The following TAOK1 variants were observed in gnomAD, a reference collection of about 807,000 sequenced individuals.
TAOK1 encodes TAO kinase 1.
TAOK1 carries 21 observed loss-of-function variants against 138.3 expected under a neutral mutation model. The ratio of observed to expected loss-of-function variants is 0.15; its 90% CI spans 0.11 to 0.22. The LOEUF is 0.22. TAOK1 is among the 10% of genes least tolerant of loss of function. TAOK1 has a pLI of 1.00. For missense variants in TAOK1, 651 were observed against 1,227.7 expected, an observed-to-expected ratio of 0.53 and a Z score of 7.02; for synonymous variants, 361 against 398.4, an observed-to-expected ratio of 0.91 and a Z score of 1.12.
chr17:29,431,223 T>C (rs1232820946), intron 1 of TAOK1, among the ~76,000 whole-genome samples: 2 of 152,190 alleles, frequency 1.3e-5, no homozygotes, highest in South Asian at 2.1e-4. Flanking sequence ...GTGAGAGTGC[T>C]TGCGCTCTGG....
At chr17:29,536,266 TC>T (rs2032219886) in intron 19 of TAOK1, among the ~76,000 whole-genome samples, 1 of 151,394 alleles carries the variant, frequency 6.6e-6, no homozygotes, top group African/African-American at 2.4e-5. Flanking sequence ...GCCACTGCAC[TC>T]CAGCCTGGGC....
chr17:29,498,221 G>C (rs761316415), intron 11 of TAOK1, 97 bp from the exon 12 acceptor site: 286 of 1,242,926 alleles, frequency 2.3e-4, no homozygotes, highest in Admixed American at 8.0e-5. Context: ...TTCTGAGACT[G>C]TCTGCCAAGT....
At chr17:29,437,236 G>A (rs1906061657) in intron 1 of TAOK1, among the ~76,000 whole-genome samples, 2 of 151,496 alleles carry the variant, frequency 1.3e-5, no homozygotes, top group South Asian at 4.2e-4. Context: ...GCTAATTTTT[G>A]TATTTTTAGT....
chr17:29,514,187 A>G (rs1353343823), intron 15 of TAOK1: 8 of 152,122 alleles, frequency 5.3e-5, no homozygotes, highest in Admixed American at 4.6e-4. Context: ...TTCTCTTCCC[A>G]TAGCGTGCAT....
In TAOK1 at chr17:29,482,087, T is replaced by C. The variant is rs1267957220; in HGVS notation, c.564-110T>C. ...TTATAAAAATTCTTATGTCCAGATA[T>C]ATTGGCTAGAATTCAAACCAGTGAT... On this transcript the variant is annotated intron_variant, in intron 7 of 19. Transcript: ENST00000261716. 4 of 728,916 alleles carry C rather than the reference T, an allele frequency of 5.5e-6. No homozygotes were observed. The South Asian group carries it at 7.6e-5, about 14-fold the overall frequency. 45.2% of individuals were successfully genotyped at this position (728,916 alleles called of 1,614,324 possible).
chr17:29,533,027 A>T (rs1242925865), intron 18 of TAOK1, among the ~76,000 whole-genome samples: 8 of 24,278 alleles, frequency 3.3e-4, no homozygotes, highest in Non-Finnish European at 5.2e-4. Flanking sequence ...GCTGACCCCC[A>T]CCTCCCTCCC....
chr17:29,406,223 T>C (rs1886414108), intron 1 of TAOK1, among the ~76,000 whole-genome samples: 1 of 152,136 alleles, frequency 6.6e-6, no homozygotes, highest in Non-Finnish European at 1.5e-5. Flanking sequence ...GATCAAAAAA[T>C]GTTTCAGGTA....
At chr17:29,489,447 G>A (rs499642) in intron 8 of TAOK1, among the ~76,000 whole-genome samples, 57,505 of 151,846 alleles carry the variant, frequency 0.38, 12,098 homozygotes, top group Non-Finnish European at 0.48. Context: ...GTAGTGAGCC[G>A]AGATTGTGCC....
chr17:29,490,879 T>C (rs576409391), intron 9 of TAOK1, among the ~76,000 whole-genome samples: 2 of 152,300 alleles, frequency 1.3e-5, no homozygotes, highest in South Asian at 4.1e-4. Flanking sequence ...TGTCCTCACA[T>C]GGCAGAGAGC....
At chr17:29,463,060 CT>C (rs958615381) in intron 2 of TAOK1, among the ~76,000 whole-genome samples, 39 of 151,866 alleles carry the variant, frequency 2.6e-4, no homozygotes, top group African/African-American at 6.0e-4. Flanking sequence ...AACATTCCAT[CT>C]TTTTTTCAAG....
chr17:29,507,933 A>C lies in TAOK1; in HGVS notation c.1376A>C (p.Glu459Ala). ...RQMQEHEQDS[E>A]LREQMSGYKR... ...ATGCAAGAACATGAGCAGGACTCTG[A>C]GCTTAGAGAACAAATGTCTGGCTAT... The change falls in exon 14 of 20, where the codon GAG becomes GCG. Residue 459 changes from glutamate (E) to alanine (A), a missense_variant. Physicochemically the swap from Glu to Ala is moderately radical, Grantham distance 107 (BLOSUM62 -1). Coordinates refer to ENST00000261716, the MANE Select transcript of TAOK1 (RefSeq NM_020791.4). The C allele has an allele frequency of 6.2e-7, 1 of 1,614,108 alleles. No individual in the cohort carries two copies.
intron 1 of TAOK1, among the ~76,000 whole-genome samples, chr17:29,429,862 A>G (rs750863619): frequency 6.6e-6 from 1 of 152,220 alleles, no homozygotes; most frequent in Non-Finnish European, 1.5e-5. Context: ...TTTGTTTAAT[A>G]TCTGTCATAC....
chr17:29,544,267 T>A lies in TAOK1; in HGVS notation c.*1245T>A, dbSNP rs1433585461. 1 of 152,682 alleles carries A rather than the reference T, an allele frequency of 6.5e-6. No homozygotes were observed. Among genetic ancestry groups the A allele is most frequent in the Non-Finnish European group, 1.5e-5 (1 of 68,040 alleles). 9.5% of individuals were successfully genotyped at this position (152,682 alleles called of 1,614,324 possible). A position where few individuals can be genotyped will look rare whatever the true frequency, so the allele number is the denominator to read the frequency against. On this transcript the variant is annotated 3_prime_UTR_variant, in exon 20 of 20. Coordinates refer to ENST00000261716, the MANE Select transcript of TAOK1 (RefSeq NM_020791.4). ...GCCAATGACTTTACCAGCTGCTGAC[T>A]AATCTTCATCACCACTGTAGATTTT...
intron 1 of TAOK1, among the ~76,000 whole-genome samples, chr17:29,407,670 C>G (rs1905031742): frequency 6.6e-6 from 1 of 151,970 alleles, no homozygotes; most frequent in Non-Finnish European, 1.5e-5. Flanking sequence ...TGGTCTCGAA[C>G]TCCTGGGCTC....
At chr17:29,471,341 G>C (rs1157114636) in intron 3 of TAOK1, among the ~76,000 whole-genome samples, 1 of 125,920 alleles carries the variant, frequency 7.9e-6, no homozygotes. Flanking sequence ...GTGCAGTGGC[G>C]CAATCTTGGT....
chr17:29,401,564 A>G (rs1314161965), intron 1 of TAOK1, among the ~76,000 whole-genome samples: 1 of 152,132 alleles, frequency 6.6e-6, no homozygotes, highest in Non-Finnish European at 1.5e-5. Flanking sequence ...TGATCCAATC[A>G]TTTCCACCAG....
At chr17:29,497,057 G>C (rs2031428758) in intron 11 of TAOK1, among the ~76,000 whole-genome samples, 1 of 152,038 alleles carries the variant, frequency 6.6e-6, no homozygotes, top group Non-Finnish European at 1.5e-5. Context: ...TGCTATAGAA[G>C]TATTACAGAA....
chr17:29,402,993 C>CA (rs1179657750), intron 1 of TAOK1, among the ~76,000 whole-genome samples: 1,397 of 126,264 alleles, frequency 0.011, 25 homozygotes, highest in East Asian at 0.095. Context: ...AACTTAGTCT[C>CA]AAAAAAAAAA....
chr17:29,532,409 G>C (rs1278331489), intron 18 of TAOK1, among the ~76,000 whole-genome samples: 12 of 150,982 alleles, frequency 7.9e-5, no homozygotes, highest in Admixed American at 6.6e-5. Context: ...GATTTGGCAG[G>C]GTCATAGGAC....
Sources: gnomAD v4.1 joint callset for allele counts (sites outside exome capture counted in the v4.1 genomes callset) on GRCh38, gnomAD v4.1.1 for gene constraint, MANE v1.5 for transcripts, NCBI Gene and HGNC (gene_info 2026-07-23, HGNC 2026-07-21) for gene names.